The following GUCY1A2 variants were observed in gnomAD, a reference collection of about 807,000 sequenced individuals.
GUCY1A2 encodes the protein guanylate cyclase soluble subunit alpha-2.
A neutral mutation model predicts 63.5 loss-of-function variants in GUCY1A2; 27 were observed. The ratio of observed to expected loss-of-function variants is 0.43; its 90% CI spans 0.31 to 0.59. The LOEUF is 0.59. Among genes scored for constraint, GUCY1A2 ranks in the 20% least tolerant of loss-of-function variants. The probability of loss-of-function intolerance (pLI) is 0.11; values close to 1 mark genes in which losing one functional copy is unlikely to be tolerated. For missense variants in GUCY1A2, 768 were observed against 913.3 expected, an observed-to-expected ratio of 0.84 and a Z score of 2.05; for synonymous variants, 364 against 343.5, an observed-to-expected ratio of 1.06 and a Z score of -0.66.
chr11:106,717,568 T>TA (rs1299158885), intron 6 of GUCY1A2, among the ~76,000 whole-genome samples: 3 of 152,198 alleles, frequency 2.0e-5, no homozygotes, highest in Non-Finnish European at 4.4e-5. Flanking sequence ...AATAGGTCTA[T>TA]AATAGAAAAA....
At chr11:106,707,445 A>AT (rs913337392) in intron 7 of GUCY1A2, among the ~76,000 whole-genome samples, 3 of 152,000 alleles carry the variant, frequency 2.0e-5, no homozygotes, top group South Asian at 4.1e-4. Context: ...CCTACTATAC[A>AT]TTTTTTTCAG....
At chr11:106,874,592 C>G (rs2220373) in intron 4 of GUCY1A2, among the ~76,000 whole-genome samples, 1 of 151,958 alleles carries the variant, frequency 6.6e-6, no homozygotes, top group Non-Finnish European at 1.5e-5. Flanking sequence ...GCCACTTATA[C>G]GTAGAATTTA....
chr11:106,958,500 CT>C (rs974485617), intron 3 of GUCY1A2, among the ~76,000 whole-genome samples: 2 of 152,098 alleles, frequency 1.3e-5, no homozygotes, highest in Non-Finnish European at 2.9e-5. Context: ...CACAGAAGTC[CT>C]TTAAAGTATC....
chr11:106,952,146 T>C (rs989418093), intron 3 of GUCY1A2, among the ~76,000 whole-genome samples: 5 of 152,232 alleles, frequency 3.3e-5, no homozygotes, highest in African/African-American at 1.2e-4. Flanking sequence ...TGTAGCCTCG[T>C]AGTATACTTT....
intron 3 of GUCY1A2, among the ~76,000 whole-genome samples, chr11:106,956,495 G>T (rs1024656042): frequency 6.6e-6 from 1 of 152,020 alleles, no homozygotes; most frequent in Non-Finnish European, 1.5e-5. Context: ...TGTTGATGCT[G>T]TTGTCACTTT....
intron 4 of GUCY1A2, among the ~76,000 whole-genome samples, chr11:106,926,657 AAATT>A (rs1179725320): frequency 6.6e-6 from 1 of 151,892 alleles, no homozygotes; most frequent in African/African-American, 2.4e-5. Flanking sequence ...CACATTTTTT[AAATT>A]AATTAATTTA....
intron 6 of GUCY1A2, among the ~76,000 whole-genome samples, chr11:106,718,631 G>A (rs1381828512): frequency 1.3e-5 from 2 of 151,982 alleles, no homozygotes; most frequent in African/African-American, 4.8e-5. Flanking sequence ...TGCAAAAAAA[G>A]TCTTAAAAAT....
intron 6 of GUCY1A2, among the ~76,000 whole-genome samples, chr11:106,753,692 C>G (rs1031451499): frequency 9.2e-5 from 14 of 152,278 alleles, no homozygotes; most frequent in African/African-American, 3.1e-4. Context: ...TCTGAGGCCT[C>G]TGTTCTGTTC....
chr11:106,685,676 C>T lies in GUCY1A2; in HGVS notation c.*1873G>A, dbSNP rs1862513653. ...TAATATAAGCATGAGGATTGAGGTGCTCCCAGTCTGCTCTGCTCATACTGG... is the reference window on the plus strand; with the variant it reads ...TAATATAAGCATGAGGATTGAGGTGTTCCCAGTCTGCTCTGCTCATACTGG... On this transcript the variant is annotated 3_prime_UTR_variant, in exon 8 of 8. Coordinates refer to ENST00000526355, the MANE Select transcript of GUCY1A2 (RefSeq NM_000855.3). 1 of 228,258 alleles carries T rather than the reference C, an allele frequency of 4.4e-6. No homozygotes were observed. Among genetic ancestry groups the T allele is most frequent in the Non-Finnish European group, 8.7e-6 (1 of 114,850 alleles). The allele number at this position is 228,258 out of a possible 1,614,324, so 14.1% of individuals were successfully genotyped here.
At chr11:106,866,788 A>G (rs979194301) in intron 4 of GUCY1A2, among the ~76,000 whole-genome samples, 4 of 152,024 alleles carry the variant, frequency 2.6e-5, no homozygotes, top group African/African-American at 9.7e-5. Flanking sequence ...GCTCCATGGA[A>G]TAACACAGAG....
chr11:106,802,904 G>A (rs12363826), intron 5 of GUCY1A2, among the ~76,000 whole-genome samples: 3,317 of 152,168 alleles, frequency 0.022, 80 homozygotes, highest in East Asian at 0.12. Context: ...ATTTTGGGGG[G>A]TCATAAATAT....
chr11:106,993,160 C>A (rs962852315), intron 1 of GUCY1A2, among the ~76,000 whole-genome samples: 14 of 152,144 alleles, frequency 9.2e-5, no homozygotes, highest in Non-Finnish European at 2.1e-4. Context: ...AGTAAACAGG[C>A]TTGTCAGAGA....
chr11:106,995,113 A>C (rs1861518411), intron 1 of GUCY1A2, among the ~76,000 whole-genome samples: 1 of 152,170 alleles, frequency 6.6e-6, no homozygotes, highest in Admixed American at 6.5e-5. Context: ...AAAGCCCAAA[A>C]CCAAACAAAA....
chr11:106,997,278 CA>C (rs1861551841), intron 1 of GUCY1A2, among the ~76,000 whole-genome samples: 1 of 152,048 alleles, frequency 6.6e-6, no homozygotes, highest in African/African-American at 2.4e-5. Context: ...ATTCAGAAAT[CA>C]AATGTCAGGT....
At chr11:106,957,904 G>A (rs1861011023) in intron 3 of GUCY1A2, among the ~76,000 whole-genome samples, 1 of 120,434 alleles carries the variant, frequency 8.3e-6, no homozygotes, top group Non-Finnish European at 1.6e-5. Flanking sequence ...AAAAAAAGGT[G>A]TTGTGGTAAA....
intron 4 of GUCY1A2, among the ~76,000 whole-genome samples, chr11:106,847,645 T>G (rs1438069135): frequency 6.6e-6 from 1 of 151,422 alleles, no homozygotes; most frequent in African/African-American, 2.4e-5. Context: ...TAAATTTCAG[T>G]GGCACAAAAA....
chr11:106,928,886 G>A (rs1043848767), intron 4 of GUCY1A2, among the ~76,000 whole-genome samples: 1 of 152,176 alleles, frequency 6.6e-6, no homozygotes, highest in African/African-American at 2.4e-5. Flanking sequence ...AATGTGTAGT[G>A]TATGACTGTA....
intron 3 of GUCY1A2, among the ~76,000 whole-genome samples, chr11:106,959,343 C>T (rs1471044): frequency 6.6e-6 from 1 of 152,182 alleles, no homozygotes; most frequent in Non-Finnish European, 1.5e-5. Flanking sequence ...GCTCTCATGG[C>T]TTCTCTTTTC....
At chr11:106,736,209 C>T (rs1283969905) in intron 6 of GUCY1A2, among the ~76,000 whole-genome samples, 1 of 152,040 alleles carries the variant, frequency 6.6e-6, no homozygotes, top group African/African-American at 2.4e-5. Flanking sequence ...TCTTTTCCCA[C>T]TCCAATGTCC....
Sources: allele counts gnomAD v4.1 joint callset (sites outside exome capture counted in the v4.1 genomes callset), GRCh38; gene constraint gnomAD v4.1.1; transcripts MANE v1.5; gene names NCBI Gene and HGNC (gene_info 2026-07-23, HGNC 2026-07-21).